The following TMEM132D variants were observed in gnomAD, a reference collection of about 807,000 sequenced individuals.
The protein encoded by TMEM132D is mature OL transmembrane protein.
Under a neutral mutation model 62.3 loss-of-function variants are expected in TMEM132D, and 21 were observed. The observed-to-expected ratio is 0.34, with a 90% CI of 0.24 to 0.49. TMEM132D has a LOEUF of 0.49. Among genes scored for constraint, TMEM132D ranks in the 20% least tolerant of loss-of-function variants. The pLI is 0.99. For synonymous variants in TMEM132D, 621 were observed against 575.6 expected, an observed-to-expected ratio of 1.08 and a Z score of -1.13; for missense variants, 1,346 against 1,402.8, an observed-to-expected ratio of 0.96 and a Z score of 0.65.
intron 2 of TMEM132D, among the ~76,000 whole-genome samples, chr12:129,695,694 C>T (rs1546496): frequency 0.31 from 47,853 of 152,232 alleles, 8,539 homozygotes; most frequent in Non-Finnish European, 0.41. Context: ...GGTCCCTCTC[C>T]TACCCCTGGC....
intron 3 of TMEM132D, among the ~76,000 whole-genome samples, chr12:129,365,949 C>T (rs907954343): frequency 2.0e-5 from 3 of 152,184 alleles, no homozygotes; most frequent in South Asian, 2.1e-4. Flanking sequence ...CCACCCGCCC[C>T]GCACACCCAC....
Position 129,113,473 on chromosome 12 carries a change from A to G in TMEM132D, c.1444-28771T>C, listed in dbSNP as rs1208017396. ...TACATCTGGGCTCTGGAGATACAGG[A>G]GGAAACAAAATGGAAACAAAAATAT... On this transcript the variant is annotated intron_variant, in intron 5 of 8. Transcript: ENST00000422113. Among the ~76,000 whole-genome samples the G allele has an allele frequency of 3.9e-5, 6 of 152,338 alleles. No homozygotes were observed. In the South Asian group the frequency reaches 1.2e-3, roughly 32 times the overall value.
chr12:129,723,958 T>A (rs959820020), intron 1 of TMEM132D, among the ~76,000 whole-genome samples: 6 of 152,196 alleles, frequency 3.9e-5, no homozygotes, highest in East Asian at 1.9e-4. Flanking sequence ...CTATGTCACT[T>A]ACCCCTTAAA....
intron 2 of TMEM132D, among the ~76,000 whole-genome samples, chr12:129,653,807 G>A (rs995892152): frequency 5.9e-5 from 9 of 152,258 alleles, no homozygotes; most frequent in East Asian, 1.9e-4. Flanking sequence ...TACGTGAGCC[G>A]GTACATTTGC....
intron 3 of TMEM132D, among the ~76,000 whole-genome samples, chr12:129,342,737 C>T (rs1379764659): frequency 6.6e-6 from 1 of 152,028 alleles, no homozygotes; most frequent in Admixed American, 6.5e-5. Context: ...AAGAAAAAAA[C>T]AAACAACCCC....
At chr12:129,899,312 G>C (rs201840092) in intron 1 of TMEM132D, among the ~76,000 whole-genome samples, 6 of 82,888 alleles carry the variant, frequency 7.2e-5, no homozygotes, top group East Asian at 7.2e-4. Flanking sequence ...TGCATGGATG[G>C]ATGGATGGAT....
intron 4 of TMEM132D, among the ~76,000 whole-genome samples, chr12:129,328,047 T>C (rs1424660483): frequency 1.3e-5 from 2 of 152,176 alleles, no homozygotes; most frequent in African/African-American, 2.4e-5. Context: ...CTTTTCCTTC[T>C]GTCTGGAAAG....
chr12:129,834,958 C>T (rs574860911), intron 1 of TMEM132D, among the ~76,000 whole-genome samples: 79 of 152,194 alleles, frequency 5.2e-4, no homozygotes, highest in Middle Eastern at 3.4e-3. Context: ...CAAACAGCAA[C>T]GTGCCCAGAT....
intron 1 of TMEM132D, among the ~76,000 whole-genome samples, chr12:129,761,060 T>A (rs1158094518): frequency 6.6e-6 from 1 of 150,572 alleles, no homozygotes; most frequent in Non-Finnish European, 1.5e-5. Flanking sequence ...CAGGCGGGGT[T>A]TTCATTCAGC....
intron 3 of TMEM132D, among the ~76,000 whole-genome samples, chr12:129,486,640 A>C (rs1453231427): frequency 6.6e-6 from 1 of 152,166 alleles, no homozygotes; most frequent in African/African-American, 2.4e-5. Context: ...CCTAAGTCAT[A>C]CCACGGATGT....
intron 2 of TMEM132D, among the ~76,000 whole-genome samples, chr12:129,684,144 C>CA (rs140145630): frequency 7.9e-5 from 12 of 151,862 alleles, no homozygotes; most frequent in Non-Finnish European, 1.0e-4. Context: ...TCCATTTAAA[C>CA]AAAAAAAGGC....
intron 2 of TMEM132D, 103 bp from the exon 3 acceptor site, chr12:129,531,308 AG>A: frequency 7.2e-7 from 1 of 1,383,408 alleles, no homozygotes; most frequent in Non-Finnish European, 9.7e-7. Context: ...GTTGCCTGGC[AG>A]GTGTAAGCTC....
At chr12:129,325,348 C>G (rs902191637) in intron 4 of TMEM132D, among the ~76,000 whole-genome samples, 1 of 152,124 alleles carries the variant, frequency 6.6e-6, no homozygotes, top group East Asian at 1.9e-4. Flanking sequence ...ATTCTTTAGA[C>G]GGGGTGGTCA....
At chr12:129,851,648 T>C (rs531636632) in intron 1 of TMEM132D, among the ~76,000 whole-genome samples, 1 of 152,324 alleles carries the variant, frequency 6.6e-6, no homozygotes, top group South Asian at 2.1e-4. Flanking sequence ...TGTGCACCCA[T>C]GTTCACAGCA....
chr12:129,688,608 C>G (rs1307818800), intron 2 of TMEM132D, among the ~76,000 whole-genome samples: 1 of 151,962 alleles, frequency 6.6e-6, no homozygotes, highest in Non-Finnish European at 1.5e-5. Context: ...GTCTCTGACC[C>G]AATGCTAAAT....
chr12:129,764,884 T>C (rs1046208107), intron 1 of TMEM132D, among the ~76,000 whole-genome samples: 1 of 152,086 alleles, frequency 6.6e-6, no homozygotes, highest in African/African-American at 2.4e-5. Context: ...GAGGCTGCAG[T>C]GAGCTGTGAT....
intron 5 of TMEM132D, among the ~76,000 whole-genome samples, chr12:129,155,361 T>C (rs1877206988): frequency 6.6e-6 from 1 of 152,234 alleles, no homozygotes; most frequent in Non-Finnish European, 1.5e-5. Context: ...ACCACAATGT[T>C]AGTTTTGTAT....
chr12:129,313,543 T>C lies in TMEM132D; in HGVS notation c.1299+24091A>G, dbSNP rs138782227. On this transcript the variant is annotated intron_variant, in intron 4 of 8. Transcript: ENST00000422113. ...TAGTATTCCATCACATATATGTATA[T>C]GATATATATATATGTGTGTGTGTGT... 3.3e-3 allele frequency among the ~76,000 whole-genome samples: 482 copies of C among 145,148 alleles called. 3 individuals are homozygous for C. Among genetic ancestry groups the C allele is most frequent in the African/African-American group, 0.012 (453 of 38,954 alleles).
chr12:129,687,896 C>A (rs1880970699), intron 2 of TMEM132D, among the ~76,000 whole-genome samples: 1 of 152,242 alleles, frequency 6.6e-6, no homozygotes, highest in Non-Finnish European at 1.5e-5. Context: ...TTACATGAAA[C>A]CACAGAAAAC....
Sources: allele counts gnomAD v4.1 joint callset (sites outside exome capture counted in the v4.1 genomes callset), GRCh38; gene constraint gnomAD v4.1.1; transcripts MANE v1.5; gene names NCBI Gene and HGNC (gene_info 2026-07-23, HGNC 2026-07-21).